SNRNP200: variants seen among roughly 807,000 people sequenced by gnomAD.
SNRNP200 encodes small nuclear ribonucleoprotein U5 subunit 200, also known as U5 small nuclear ribonucleoprotein 200 kDa helicase.
A neutral mutation model predicts 255.2 loss-of-function variants in SNRNP200; 66 were observed. The ratio of observed to expected loss-of-function variants is 0.26; its 90% confidence interval spans 0.21 to 0.32. The LOEUF is 0.32. SNRNP200 is among the 10% of genes least tolerant of loss of function. The pLI, the probability that SNRNP200 is intolerant of heterozygous loss-of-function variation, is 1.00. For synonymous variants in SNRNP200, 939 were observed against 1,027.8 expected (o/e 0.91, Z 1.65); for missense variants, 1,585 against 2,749.8 (o/e 0.58, Z 9.47).
At position 96,291,742 on chromosome 2, in the gene SNRNP200, C is replaced by T; in HGVS notation, c.2310+9G>A. 6.2e-7 allele frequency: 1 copy of T among 1,613,984 alleles called. No individual in the cohort carries two copies. The highest frequency in any genetic ancestry group is 8.5e-7 in the Non-Finnish European group (1 of 1,180,020). ...TAGGAATGAGAGAACCCAGCTGGCC[C>T]CTCCTCACCTTGCACTGCTCAGCTT... is the stretch of plus-strand genomic sequence containing the variant. On this transcript the variant is annotated intron_variant, in intron 17 of 44. Transcript: ENST00000323853. The surrounding 1 kb of genome is among the most constrained non-coding windows in gnomAD (Gnocchi z 4.2).
At position 96,290,352 on chromosome 2, in the gene SNRNP200, C is replaced by T. The variant is rs769979612; in HGVS notation, c.2716G>A (p.Val906Met). Residue 906 changes from valine to methionine, a missense_variant, in exon 20 of 45, where the codon GTG (valine) becomes ATG (methionine). By Grantham distance (21) the Val-to-Met change is conservative. Around this residue, in one of 9 missense-constraint regions of SNRNP200, gnomAD observed 719 missense variants for 1,091.1 expected, o/e 0.66. Transcript: ENST00000323853. The surrounding 1 kb of genome is among the most constrained non-coding windows in gnomAD (Gnocchi z 4.5). ...TTGGCATTCTGGACATTTCCTAGCA[C>T]GATTTCTGCATTGAGCATGTCAGGA... is the stretch of plus-strand genomic sequence containing the variant. ...KLPDMLNAEI[V>M]LGNVQNAKDA... is the part of the protein sequence containing the mutation. The T allele has an allele frequency of 4.1e-5, 66 of 1,613,932 alleles. No individual in the cohort carries two copies. Among genetic ancestry groups the T allele is most frequent in the African/African-American group, 8.0e-5 (6 of 74,870 alleles).
At position 96,279,686 on chromosome 2, in the gene SNRNP200, C is replaced by G; in HGVS notation, c.5025-127G>C. 8.7e-6 allele frequency: 6 copies of G among 688,182 alleles called. No individual in the cohort carries two copies. In the South Asian group the frequency reaches 9.0e-5, roughly 10 times the overall value. 42.6% of individuals were successfully genotyped at this position (688,182 alleles called of 1,614,324 possible). A position where few individuals can be genotyped will look rare whatever the true frequency, so the allele number is the denominator to read the frequency against. The stretch of plus-strand genomic sequence containing the variant: ...GGGGAGACACGGACAAATCACGGGA[C>G]GACTCTGTTTATGAATCTCTGCACT... On this transcript the variant is annotated intron_variant, in intron 35 of 44. Coordinates refer to ENST00000323853, the MANE Select transcript of SNRNP200 (RefSeq NM_014014.5).
chr2:96,302,275 G>A (rs1326994806), intron 3 of SNRNP200, among the ~76,000 whole-genome samples: 2 of 152,238 alleles, frequency 1.3e-5, no homozygotes, highest in East Asian at 1.9e-4. Context: ...GGGAAGACAC[G>A]TGCTGTTCCA....
Position 96,286,854 on chromosome 2 carries a change from A to G in SNRNP200, c.3663T>C (p.Phe1221=), listed in dbSNP as rs1573993624. 1.2e-6 allele frequency: 2 copies of G among 1,614,208 alleles called. No individual in the cohort carries two copies. Among genetic ancestry groups the G allele is most frequent in the African/African-American group, 2.7e-5 (2 of 75,046 alleles). The change falls in exon 28 of 45, where the codon TTT becomes TTC. Residue 1221 remains phenylalanine (F), a synonymous_variant. Transcript: ENST00000323853. This position sits in a 1 kb window ranked among gnomAD's most constrained non-coding sequence, Gnocchi z 4.8. Reference sequence around the variant, plus strand: ...TGTCCACATCCTCCACCAGAATCCAAAAAGCCTCGGATGAACCATGCACCT... The same window carrying G: ...TGTCCACATCCTCCACCAGAATCCAGAAAGCCTCGGATGAACCATGCACCT... ...DEKVHGSSEA[F]WILVEDVDSE...
rs754244863 is a variant in SNRNP200 at position 96,286,371 on chromosome 2, T to C, written c.3943A>G (p.Ser1315Gly). ...QPLPVSALRN[S>G]AFESLYQDKF... is the part of the protein sequence containing the mutation. ...TCTTGGTAAAGACTCTCAAAGGCAC[T>C]GTTTCTCAGAGCAGACACGGGCAAG... The change falls in exon 29 of 45, where the codon AGT (serine) becomes GGT (glycine). Residue 1315 changes from serine to glycine, a missense_variant. Physicochemically the swap from Ser to Gly is moderately conservative, Grantham distance 56. Around this residue, in one of 9 missense-constraint regions of SNRNP200, gnomAD observed 719 missense variants for 1,091.1 expected, o/e 0.66. Transcript: ENST00000323853. This position sits in a 1 kb window ranked among gnomAD's most constrained non-coding sequence, Gnocchi z 4.8. The C allele has an allele frequency of 8.1e-6, 13 of 1,614,066 alleles. No homozygotes were observed. In the East Asian group the frequency reaches 2.9e-4, roughly 36 times the overall value.
In SNRNP200 at chr2:96,297,523, C is replaced by T. The variant is rs1236345019; in HGVS notation, c.1217G>A (p.Arg406Gln). Residue 406 changes from arginine to glutamine, a missense_variant, in exon 11 of 45, where the codon CGG (arginine) becomes CAG (glutamine). This residue lies in a region of SNRNP200 where 383 missense variants were observed against 645.3 expected (regional missense o/e 0.59). Transcript: ENST00000323853. ...LDQGGEALAPRQVLDLEDLVF... is the reference protein window; with the variant it reads ...LDQGGEALAPQQVLDLEDLVF... ...CAGGTCCTCCAAGTCCAGAACCTGC[C>T]GTGGAGCCAGTGCCTGGGAATGTGA... 1.9e-6 allele frequency: 3 copies of T among 1,614,072 alleles called. No individual in the cohort carries two copies. The highest frequency in any genetic ancestry group is 1.7e-5 in the Admixed American group (1 of 60,004).
At position 96,297,079 on chromosome 2, in the gene SNRNP200, A is replaced by G; in HGVS notation, c.1378-9T>C. On this transcript the variant is annotated splice_polypyrimidine_tract_variant and intron_variant, in intron 11 of 44. Transcript: ENST00000323853. ...TCCACTGGAAGCAGTTGCTAGAAGA[A>G]AAGAAGTGCCATCAATATCATGTTG... 6 of 1,614,212 alleles carry G rather than the reference A, an allele frequency of 3.7e-6. No individual in the cohort carries two copies. The highest frequency in any genetic ancestry group is 5.1e-6 in the Non-Finnish European group (6 of 1,180,042).
In SNRNP200 at chr2:96,275,136, G is replaced by GC; in HGVS notation, c.6286dup (p.Ala2096GlyfsTer16). 1 of 1,614,216 alleles carries GC rather than the reference G, an allele frequency of 6.2e-7. No homozygotes were observed. Among genetic ancestry groups the GC allele is most frequent in the Non-Finnish European group, 8.5e-7 (1 of 1,180,034 alleles). ...GTAGTTGTGGGCACCAGTGGCTGGG[G>GC]CCACAAAGTCCAACTTCACCTAGAA... On this transcript the variant is annotated frameshift_variant, in exon 45 of 45. Coordinates refer to ENST00000323853, the MANE Select transcript of SNRNP200 (RefSeq NM_014014.5). LOFTEE classifies it high-confidence loss of function.
Position 96,291,319 on chromosome 2 carries a change from G to A in SNRNP200, c.2421+73C>T. The stretch of plus-strand genomic sequence containing the variant: ...GCAATAAAGTACCAGGAGCAAACAT[G>A]GCACAAACTTGACATTGCCCATCTT... On this transcript the variant is annotated intron_variant, in intron 18 of 44. Coordinates refer to ENST00000323853, the MANE Select transcript of SNRNP200 (RefSeq NM_014014.5). This position sits in a 1 kb window ranked among gnomAD's most constrained non-coding sequence, Gnocchi z 4.2. 1.1e-6 allele frequency: 1 copy of A among 898,722 alleles called. No homozygotes were observed. Among genetic ancestry groups the A allele is most frequent in the Non-Finnish European group, 1.9e-6 (1 of 528,042 alleles). The allele number at this position is 898,722 out of a possible 1,614,324, so 55.7% of individuals were successfully genotyped here.
chr2:96,292,977 T>C lies in SNRNP200; in HGVS notation c.2155A>G (p.Asn719Asp), dbSNP rs780189369. 6.2e-7 allele frequency: 1 copy of C among 1,614,148 alleles called. No individual in the cohort carries two copies. Among genetic ancestry groups the C allele is most frequent in the South Asian group, 1.1e-5 (1 of 91,080 alleles). The change falls in exon 16 of 45, where the codon AAT becomes GAT. Residue 719 changes from asparagine to aspartate, a missense_variant. Coordinates refer to ENST00000323853, the MANE Select transcript of SNRNP200 (RefSeq NM_014014.5). ...ACCATAAACCACGGGCAAACCTGAT[T>C]TTTTCCAGCATGTTCCATGATTTTT... Reference protein sequence around the residue: ...YEKIMEHAGKNQVLVFVHSRK... With the variant: ...YEKIMEHAGKDQVLVFVHSRK...
Position 96,298,305 on chromosome 2 carries a change from G to C in SNRNP200, c.1098C>G (p.Thr366=). 7 of 1,614,112 alleles carry C rather than the reference G, an allele frequency of 4.3e-6. No homozygotes were observed. The highest frequency in any genetic ancestry group is 5.9e-6 in the Non-Finnish European group (7 of 1,180,036). Residue 366 remains threonine, a synonymous_variant, in exon 9 of 45, where the codon ACC becomes ACG. Coordinates refer to ENST00000323853, the MANE Select transcript of SNRNP200 (RefSeq NM_014014.5). Reference sequence around the variant, plus strand: ...TTACTCGGATCAGATCCTCCTTCTCGGTTTCATGAAGCTGGTAGAGGAACT... The same window carrying C: ...TTACTCGGATCAGATCCTCCTTCTCCGTTTCATGAAGCTGGTAGAGGAACT... ...LSKFLYQLHE[T]EKEDLIREER...
chr2:96,279,378 T>C, intron 36 of SNRNP200, 73 bp downstream of exon 36: 1 of 954,000 alleles, frequency 1.0e-6, no homozygotes, highest in Non-Finnish European at 1.7e-6. Flanking sequence ...ACTGAAGACA[T>C]CTATCAAAAG....
At chr2:96,281,436 T>A (rs1187124013) in intron 35 of SNRNP200, 1 of 300,414 alleles carries the variant, frequency 3.3e-6, no homozygotes, top group Non-Finnish European at 6.6e-6. Flanking sequence ...CCCAAAGTGC[T>A]GGGATTACAG....
At chr2:96,288,844 T>G (rs750487533) in intron 23 of SNRNP200, 98 bp from the exon 24 acceptor site, 3 of 1,120,152 alleles carry the variant, frequency 2.7e-6, no homozygotes, top group Non-Finnish European at 2.7e-6. Context: ...CAGGTGAGAT[T>G]TGCTACAGGT....
In SNRNP200 at chr2:96,299,443, CA is replaced by C. The variant is rs781529204; in HGVS notation, c.631-17del. 56 of 1,596,030 alleles carry C rather than the reference CA, an allele frequency of 3.5e-5. No homozygotes were observed. Among genetic ancestry groups the C allele is most frequent in the Non-Finnish European group, 4.6e-5 (53 of 1,163,974 alleles). On this transcript the variant is annotated splice_polypyrimidine_tract_variant and intron_variant, in intron 5 of 44. Transcript: ENST00000323853. ...CATCACCTTCCTGTGGAAATGACCC[CA>C]ACTCAACCATGATCTGGAGCTGATC...
intron 21 of SNRNP200, 22 bp from the exon 22 acceptor site, chr2:96,289,401 T>C (rs760330367): frequency 1.5e-4 from 249 of 1,613,112 alleles, no homozygotes; most frequent in Non-Finnish European, 2.0e-4. Flanking sequence ...GTAGACTCAA[T>C]CCAGTGCTGA....
chr2:96,285,288 C>T lies in SNRNP200; in HGVS notation c.4056G>A (p.Thr1352=), dbSNP rs758645617. Residue 1352 remains threonine, a synonymous_variant, in exon 30 of 45, where the codon ACG becomes ACA. Coordinates refer to ENST00000323853, the MANE Select transcript of SNRNP200 (RefSeq NM_014014.5). ...SDDNVFVGAP[T]GSGKTICAEF... is the part of the protein sequence containing the mutation. ...CTGCACAAATAGTCTTCCCGCTGCCCGTGGGGGCCCCCACAAACACGTTGT... is the reference window on the plus strand; with the variant it reads ...CTGCACAAATAGTCTTCCCGCTGCCTGTGGGGGCCCCCACAAACACGTTGT... 4.8e-5 allele frequency: 77 copies of T among 1,614,024 alleles called. No individual in the cohort carries two copies. The highest frequency in any genetic ancestry group is 3.5e-4 in the Admixed American group (21 of 60,014).
chr2:96,297,596 CA>C, intron 10 of SNRNP200, 40 bp downstream of exon 10: 1 of 1,614,154 alleles, frequency 6.2e-7, no homozygotes. Flanking sequence ...GTGAGTTTTC[CA>C]TCCATCAAGG....
Position 96,287,338 on chromosome 2 carries a change from C to G in SNRNP200, c.3484+101G>C. 1 of 1,176,488 alleles carries G rather than the reference C, an allele frequency of 8.5e-7. No homozygotes were observed. Among genetic ancestry groups the G allele is most frequent in the Non-Finnish European group, 1.3e-6 (1 of 781,362 alleles). The allele number at this position is 1,176,488 out of a possible 1,614,324, so 72.9% of individuals were successfully genotyped here. On this transcript the variant is annotated intron_variant, in intron 26 of 44. Coordinates refer to ENST00000323853, the MANE Select transcript of SNRNP200 (RefSeq NM_014014.5). This position sits in a 1 kb window ranked among gnomAD's most constrained non-coding sequence, Gnocchi z 5.7. ...ACTTCAGTGGGACTTGGGGAGTGAA[C>G]ACAGGATACTAATGCACAGGCCTAG...
Sources: gnomAD v4.1 joint callset for allele counts (sites outside exome capture counted in the v4.1 genomes callset) on GRCh38, gnomAD v4.1.1 for gene constraint, gnomAD v4.1.1 regional missense constraint, Gnocchi (gnomAD v3.1) non-coding constraint, MANE v1.5 for transcripts, NCBI Gene and HGNC (gene_info 2026-07-23, HGNC 2026-07-21) for gene names.